Variants in GOLM2 observed in about 807,000 individuals in gnomAD.
The protein encoded by GOLM2 is golgi membrane protein 2.
A neutral mutation model predicts 55.9 loss-of-function variants in GOLM2; 26 were observed. The ratio of observed to expected loss-of-function variants is 0.47; its 90% CI spans 0.34 to 0.65. GOLM2 has a LOEUF of 0.65. Ranked by LOEUF, GOLM2 falls within the 30% of genes least tolerant of loss-of-function variation. The pLI is 0.01. For synonymous variants in GOLM2, 165 were observed against 194.6 expected, an observed-to-expected ratio of 0.85 and a Z score of 1.27; for missense variants, 486 against 531.8, an observed-to-expected ratio of 0.91 and a Z score of 0.85.
chr15:44,328,228 C>G (rs2078997847), intron 2 of GOLM2, among the ~76,000 whole-genome samples: 1 of 152,076 alleles, frequency 6.6e-6, no homozygotes, highest in African/African-American at 2.4e-5. Flanking sequence ...GCCTTTAATC[C>G]CAGCACTTTG....
At chr15:44,366,155 G>C (rs1243644413) in intron 6 of GOLM2, among the ~76,000 whole-genome samples, 1 of 151,960 alleles carries the variant, frequency 6.6e-6, no homozygotes, top group African/African-American at 2.4e-5. Context: ...AAATTAGCTG[G>C]GCGTGGTGGC....
At chr15:44,299,480 A>G (rs1367422876) in intron 1 of GOLM2, among the ~76,000 whole-genome samples, 1 of 151,780 alleles carries the variant, frequency 6.6e-6, no homozygotes, top group Non-Finnish European at 1.5e-5. Flanking sequence ...TTTGATAGAG[A>G]CAGTGTTTCA....
At chr15:44,387,756 C>T (rs1301223786) in intron 8 of GOLM2, among the ~76,000 whole-genome samples, 4 of 149,334 alleles carry the variant, frequency 2.7e-5, no homozygotes, top group African/African-American at 9.9e-5. Flanking sequence ...ATGAGACACT[C>T]TCTCAAGGAA....
At chr15:44,352,717 C>G (rs1019634498) in intron 6 of GOLM2, among the ~76,000 whole-genome samples, 1 of 151,928 alleles carries the variant, frequency 6.6e-6, no homozygotes, top group South Asian at 2.1e-4. Context: ...ACCAGCCTGG[C>G]CAACATGGTG....
At chr15:44,325,254 C>T (rs531630971) in intron 2 of GOLM2, among the ~76,000 whole-genome samples, 13 of 152,306 alleles carry the variant, frequency 8.5e-5, no homozygotes, top group African/African-American at 3.1e-4. Flanking sequence ...CACCAATTAC[C>T]TCCCTGCTTT....
At chr15:44,333,872 C>T (rs895527356) in intron 4 of GOLM2, among the ~76,000 whole-genome samples, 6 of 152,020 alleles carry the variant, frequency 3.9e-5, no homozygotes, top group South Asian at 2.1e-4. Context: ...CCTGCCACCA[C>T]GCCCAGCTAA....
At chr15:44,303,240 C>T (rs906829200) in intron 1 of GOLM2, among the ~76,000 whole-genome samples, 1 of 152,076 alleles carries the variant, frequency 6.6e-6, no homozygotes, top group Admixed American at 6.6e-5. Flanking sequence ...ATTTGTATTG[C>T]TTCTTGAACC....
At chr15:44,343,621 T>A in intron 6 of GOLM2, among the ~76,000 whole-genome samples, 1 of 148,212 alleles carries the variant, frequency 6.7e-6, no homozygotes. Context: ...AGGCCAGGAG[T>A]TTGAGACCAG....
At chr15:44,310,030 A>G (rs2078862753) in intron 1 of GOLM2, among the ~76,000 whole-genome samples, 1 of 151,962 alleles carries the variant, frequency 6.6e-6, no homozygotes, top group African/African-American at 2.4e-5. Context: ...ACTACAGGCA[A>G]ATGCCACCAT....
intron 8 of GOLM2, among the ~76,000 whole-genome samples, chr15:44,400,905 G>C (rs2141213400): frequency 6.6e-6 from 1 of 152,150 alleles, no homozygotes; most frequent in South Asian, 2.1e-4. Flanking sequence ...GCCTCTGTAA[G>C]TGCAATTTGT....
At chr15:44,412,091 G>A (rs768328811) in intron 9 of GOLM2, among the ~76,000 whole-genome samples, 6 of 151,924 alleles carry the variant, frequency 3.9e-5, no homozygotes, top group African/African-American at 7.3e-5. Flanking sequence ...ACTTGAGGCC[G>A]GGAGGTTGAG....
intron 6 of GOLM2, among the ~76,000 whole-genome samples, chr15:44,361,928 G>A (rs1276169837): frequency 2.0e-5 from 3 of 152,018 alleles, no homozygotes; most frequent in African/African-American, 7.3e-5. Flanking sequence ...TATAAACAGA[G>A]CCAAAGACAA....
intron 6 of GOLM2, among the ~76,000 whole-genome samples, chr15:44,374,895 T>A (rs982733787): frequency 9.2e-5 from 14 of 152,218 alleles, no homozygotes; most frequent in African/African-American, 3.4e-4. Flanking sequence ...GCCTAGCTAT[T>A]AATGGTATTT....
At chr15:44,379,655 A>C (rs137914571) in intron 6 of GOLM2, 35 bp from the exon 7 acceptor site, 1 of 961,318 alleles carries the variant, frequency 1.0e-6, no homozygotes, top group East Asian at 2.5e-5. Flanking sequence ...CATAGTATCA[A>C]TGGGAATAAT....
At chr15:44,316,616 G>A (rs928917732) in intron 1 of GOLM2, among the ~76,000 whole-genome samples, 6 of 152,088 alleles carry the variant, frequency 3.9e-5, no homozygotes, top group Non-Finnish European at 7.4e-5. Flanking sequence ...TTAGCTGGGC[G>A]TGGTGGCAGG....
chr15:44,305,999 A>G (rs1055152676), intron 1 of GOLM2, among the ~76,000 whole-genome samples: 2 of 152,232 alleles, frequency 1.3e-5, no homozygotes, highest in African/African-American at 2.4e-5. Context: ...ATTTAGCACA[A>G]TTCTTAAAAG....
At chr15:44,327,488 A>C (rs1011631870) in intron 2 of GOLM2, among the ~76,000 whole-genome samples, 2 of 152,074 alleles carry the variant, frequency 1.3e-5, no homozygotes, top group Non-Finnish European at 2.9e-5. Flanking sequence ...GAATAAGACT[A>C]ATTCTGTAAC....
chr15:44,325,050 A>G (rs2078972547), intron 2 of GOLM2, among the ~76,000 whole-genome samples: 4 of 152,314 alleles, frequency 2.6e-5, no homozygotes, highest in African/African-American at 9.6e-5. Flanking sequence ...GTTCAGGGGT[A>G]CATGTGCAGG....
chr15:44,410,356 G>A (rs1288958785), intron 9 of GOLM2, among the ~76,000 whole-genome samples: 1 of 152,178 alleles, frequency 6.6e-6, no homozygotes. Flanking sequence ...GCGCGAACCT[G>A]GGAGGCGGAG....
Sources: allele counts gnomAD v4.1 joint callset (sites outside exome capture counted in the v4.1 genomes callset), GRCh38; gene constraint gnomAD v4.1.1; transcripts MANE v1.5; gene names NCBI Gene and HGNC (gene_info 2026-07-23, HGNC 2026-07-21).